The following IL1RAPL2 variants were observed in gnomAD, a reference collection of about 807,000 sequenced individuals.
The protein encoded by IL1RAPL2 is X-linked interleukin-1 receptor accessory protein-like 2.
In IL1RAPL2, 3 loss-of-function variants were observed where a neutral mutation model predicts 44.1. The ratio of observed to expected loss-of-function variants is 0.07; its 90% CI spans 0.03 to 0.18. IL1RAPL2 has a LOEUF of 0.18. IL1RAPL2 is among the 10% of genes least tolerant of loss of function. IL1RAPL2 has a pLI of 1.00. For synonymous variants in IL1RAPL2, 181 were observed against 178.8 expected, an observed-to-expected ratio of 1.01 and a Z score of -0.10; for missense variants, 391 against 496.4, an observed-to-expected ratio of 0.79 and a Z score of 2.02.
At chrX:105,547,794 G>C (rs1475401520) in intron 6 of IL1RAPL2, among the ~76,000 whole-genome samples, 1 of 112,361 alleles carries the variant, frequency 8.9e-6, no homozygotes, top group Non-Finnish European at 1.9e-5. Context: ...TGTCATGTTT[G>C]TTAATATCTC....
At chrX:105,747,047 A>T (rs933900670) in intron 8 of IL1RAPL2, among the ~76,000 whole-genome samples, 2 of 111,234 alleles carry the variant, frequency 1.8e-5, no homozygotes, top group African/African-American at 6.5e-5. Flanking sequence ...AAAACAAGTA[A>T]AAATTGTGAT....
chrX:105,494,026 C>G (rs1205196283), intron 6 of IL1RAPL2, among the ~76,000 whole-genome samples: 2 of 111,530 alleles, frequency 1.8e-5, no homozygotes, highest in African/African-American at 6.5e-5. Context: ...TGTATGTAAC[C>G]CAGTATCTGA....
Position 105,522,152 on chromosome X carries a change from A to G in IL1RAPL2, c.772+37765A>G, listed in dbSNP as rs776582343. Reference sequence around the variant, plus strand: ...GAGTTGGAGGCTTTATTCTGTGACTATGGTAAGCTTATAGGCAGCATTATC... The same window carrying G: ...GAGTTGGAGGCTTTATTCTGTGACTGTGGTAAGCTTATAGGCAGCATTATC... On this transcript the variant is annotated intron_variant, in intron 6 of 10. Coordinates refer to ENST00000372582, the MANE Select transcript of IL1RAPL2 (RefSeq NM_017416.2). Among the ~76,000 whole-genome samples, 7 of 111,937 alleles carry G rather than the reference A, an allele frequency of 6.3e-5. No homozygotes were observed. The South Asian group carries it at 2.6e-3, about 42-fold the overall frequency.
intron 5 of IL1RAPL2, among the ~76,000 whole-genome samples, chrX:105,366,520 C>T (rs1383896894): frequency 9.0e-6 from 1 of 110,661 alleles, no homozygotes; most frequent in Non-Finnish European, 1.9e-5. Context: ...TGCTGCATTC[C>T]ATAAAGCTTG....
intron 6 of IL1RAPL2, among the ~76,000 whole-genome samples, chrX:105,707,410 C>T (rs2038174226): frequency 8.9e-6 from 1 of 112,235 alleles, no homozygotes; most frequent in Admixed American, 9.4e-5. Flanking sequence ...TTGAACTAAG[C>T]GTTTGAGAAT....
At chrX:105,567,934 C>T (rs1017414336) in intron 6 of IL1RAPL2, among the ~76,000 whole-genome samples, 3 of 110,996 alleles carry the variant, frequency 2.7e-5, no homozygotes, top group African/African-American at 9.8e-5. Context: ...CAGAGAGTTG[C>T]CTTCATGGAG....
chrX:105,452,345 A>G (rs2036025312), intron 5 of IL1RAPL2, among the ~76,000 whole-genome samples: 1 of 111,760 alleles, frequency 8.9e-6, no homozygotes, highest in Non-Finnish European at 1.9e-5. Flanking sequence ...ATCAGAAATA[A>G]TAACTGCAGA....
intron 2 of IL1RAPL2, among the ~76,000 whole-genome samples, chrX:105,048,780 A>G (rs1300181084): frequency 1.8e-5 from 2 of 111,776 alleles, no homozygotes; most frequent in African/African-American, 6.5e-5. Context: ...CACCGTCAAC[A>G]CTAGCAACAT....
chrX:104,957,378 G>A (rs961847482), intron 2 of IL1RAPL2, among the ~76,000 whole-genome samples: 2 of 111,985 alleles, frequency 1.8e-5, no homozygotes, highest in African/African-American at 3.3e-5. Context: ...CTTTGGATGG[G>A]ATCAGGGCAG....
intron 5 of IL1RAPL2, among the ~76,000 whole-genome samples, chrX:105,456,269 C>G (rs1310986459): frequency 1.8e-5 from 2 of 111,914 alleles, no homozygotes; most frequent in African/African-American, 6.5e-5. Context: ...TCTGCAAACA[C>G]GGATAGTTTG....
At chrX:104,675,720 T>A (rs375570810) in intron 2 of IL1RAPL2, among the ~76,000 whole-genome samples, 41 of 110,599 alleles carry the variant, frequency 3.7e-4, no homozygotes, top group Admixed American at 5.8e-4. Context: ...CCCATTATTA[T>A]TGTGTGGGAG....
chrX:105,083,808 G>A (rs1410767134), intron 2 of IL1RAPL2, among the ~76,000 whole-genome samples: 2 of 112,281 alleles, frequency 1.8e-5, no homozygotes, highest in African/African-American at 6.5e-5. Flanking sequence ...AAGAGCTCCT[G>A]AAGGAAGCAC....
chrX:104,765,978 A>T (rs1932545614), intron 2 of IL1RAPL2, among the ~76,000 whole-genome samples: 1 of 112,075 alleles, frequency 8.9e-6, no homozygotes, highest in Admixed American at 9.4e-5. Context: ...ATATCTAGTG[A>T]TCTAATGAGG....
chrX:105,028,917 G>T (rs1277918042), intron 2 of IL1RAPL2, among the ~76,000 whole-genome samples: 1 of 110,165 alleles, frequency 9.1e-6, no homozygotes, highest in African/African-American at 3.3e-5. Context: ...ACATGCTCCT[G>T]GAGCATGGTG....
At chrX:105,652,677 C>T (rs2147843756) in intron 6 of IL1RAPL2, among the ~76,000 whole-genome samples, 1 of 111,254 alleles carries the variant, frequency 9.0e-6, no homozygotes, top group South Asian at 3.8e-4. Context: ...AGTTGAACTC[C>T]AGTAATGCCC....
At chrX:105,600,722 T>C (rs1474869497) in intron 6 of IL1RAPL2, among the ~76,000 whole-genome samples, 2 of 109,685 alleles carry the variant, frequency 1.8e-5, no homozygotes, top group East Asian at 5.7e-4. Flanking sequence ...AATATTTATA[T>C]AGGTATATCT....
At chrX:105,431,538 A>G (rs889168855) in intron 5 of IL1RAPL2, among the ~76,000 whole-genome samples, 2 of 111,557 alleles carry the variant, frequency 1.8e-5, no homozygotes, top group Non-Finnish European at 3.8e-5. Flanking sequence ...CCAAATCTCC[A>G]TAACAGGATC....
chrX:105,252,025 A>G lies in IL1RAPL2; in HGVS notation c.544-15363A>G, dbSNP rs185066662. ...TTGATGTGTTTTGACAAATGTATACACCATAGTCAAGATATGGAACAGTTC... is the reference window on the plus strand; with the variant it reads ...TTGATGTGTTTTGACAAATGTATACGCCATAGTCAAGATATGGAACAGTTC... On this transcript the variant is annotated intron_variant, in intron 4 of 10. Transcript: ENST00000372582. Among the ~76,000 whole-genome samples the G allele has an allele frequency of 1.5e-3, 169 of 111,173 alleles. 3 individuals are homozygous for G. The South Asian group carries it at 0.045, about 30-fold the overall frequency.
chrX:104,582,281 T>TA (rs1324018611), intron 1 of IL1RAPL2, among the ~76,000 whole-genome samples: 6 of 110,965 alleles, frequency 5.4e-5, no homozygotes, highest in South Asian at 3.8e-4. Context: ...ATACTGTGAG[T>TA]AAAAAAAATG....
Sources: gnomAD v4.1 joint callset for allele counts (sites outside exome capture counted in the v4.1 genomes callset) on GRCh38, gnomAD v4.1.1 for gene constraint, MANE v1.5 for transcripts, NCBI Gene and HGNC (gene_info 2026-07-23, HGNC 2026-07-21) for gene names.